The following IGSF11 variants were observed in gnomAD, a reference collection of about 807,000 sequenced individuals.
IGSF11 encodes CXADR like 1.
A neutral mutation model predicts 41.0 loss-of-function variants in IGSF11; 22 were observed. The ratio of observed to expected loss-of-function variants is 0.54; its 90% CI spans 0.38 to 0.77. IGSF11 has a LOEUF of 0.77. Ranked by LOEUF, IGSF11 falls within the 30% of genes least tolerant of loss-of-function variation. The probability of loss-of-function intolerance (pLI) is 0.00; values close to 1 mark genes in which losing one functional copy is unlikely to be tolerated. For missense variants in IGSF11, 444 were observed against 530.8 expected (o/e 0.84, Z 1.61); for synonymous variants, 219 against 201.3 (o/e 1.09, Z -0.74).
rs553278031 is a variant in IGSF11 at position 118,920,257 on chromosome 3, TA to T, written c.580+5843del. Among the ~76,000 whole-genome samples, 377 of 137,312 alleles carry T rather than the reference TA, an allele frequency of 2.7e-3. 6 individuals carry two copies. Among genetic ancestry groups the T allele is most frequent in the African/African-American group, 9.1e-3 (330 of 36,198 alleles). 90.1% of individuals were successfully genotyped at this position (137,312 alleles called of 152,430 possible). On this transcript the variant is annotated intron_variant, in intron 4 of 6. Coordinates refer to ENST00000393775, the MANE Select transcript of IGSF11 (RefSeq NM_001015887.3). ...CACATGTACCCTAAAACTTAAAGTA[TA>T]AAAAAAAAAACAATAATGTGTCAGA...
intron 1 of IGSF11, among the ~76,000 whole-genome samples, chr3:118,952,802 A>G (rs1175278353): frequency 6.6e-6 from 1 of 152,202 alleles, no homozygotes; most frequent in Admixed American, 6.5e-5. Flanking sequence ...TTATATTAAT[A>G]AAGTTTTGAA....
intron 1 of IGSF11, among the ~76,000 whole-genome samples, chr3:118,990,293 A>G (rs2107650856): frequency 6.6e-6 from 1 of 152,380 alleles, no homozygotes; most frequent in Non-Finnish European, 1.5e-5. Context: ...GAAATAACCT[A>G]GATGTGAAGT....
chr3:119,008,658 C>G (rs1937706182), intron 1 of IGSF11, among the ~76,000 whole-genome samples: 2 of 152,208 alleles, frequency 1.3e-5, no homozygotes, highest in Admixed American at 6.5e-5. Context: ...GGTATAATCT[C>G]TTCTACAAAG....
At chr3:118,925,526 A>T (rs1489395525) in intron 4 of IGSF11, among the ~76,000 whole-genome samples, 3 of 152,092 alleles carry the variant, frequency 2.0e-5, no homozygotes, top group South Asian at 2.1e-4. Flanking sequence ...TTTTTTAAGG[A>T]TGTCCTATTT....
At chr3:119,045,652 G>C (rs905837252) in intron 1 of IGSF11, among the ~76,000 whole-genome samples, 1 of 152,042 alleles carries the variant, frequency 6.6e-6, no homozygotes, top group Non-Finnish European at 1.5e-5. Flanking sequence ...ACAGCTCAAG[G>C]AGGCCTGCCT....
intron 1 of IGSF11, among the ~76,000 whole-genome samples, chr3:119,043,437 A>T (rs2107750016): frequency 6.6e-6 from 1 of 152,164 alleles, no homozygotes. Context: ...ATGCTTAGGG[A>T]TTCTTAGTTG....
intron 1 of IGSF11, chr3:118,943,204 A>C (rs919003990): frequency 2.6e-5 from 4 of 152,226 alleles, no homozygotes; most frequent in African/African-American, 7.2e-5. Flanking sequence ...AGACTGCAGC[A>C]TATAGAGGGG....
chr3:119,060,236 T>G (rs1210546750), intron 1 of IGSF11, among the ~76,000 whole-genome samples: 1 of 152,218 alleles, frequency 6.6e-6, no homozygotes, highest in African/African-American at 2.4e-5. Flanking sequence ...GTGAAATTCT[T>G]GTCTTTCCAG....
intron 1 of IGSF11, among the ~76,000 whole-genome samples, chr3:118,952,229 A>G (rs9855713): frequency 0.078 from 11,912 of 152,166 alleles, 662 homozygotes; most frequent in Admixed American, 0.16. Context: ...TCTTGCCTCA[A>G]TGTTGATGGC....
intron 1 of IGSF11, among the ~76,000 whole-genome samples, chr3:119,111,817 C>A (rs1274358211): frequency 1.3e-5 from 2 of 152,342 alleles, no homozygotes; most frequent in East Asian, 1.9e-4. Flanking sequence ...ACAGACAGGA[C>A]CCTCAACTGC....
At chr3:118,950,685 A>T (rs1408391735) in intron 1 of IGSF11, among the ~76,000 whole-genome samples, 10 of 152,212 alleles carry the variant, frequency 6.6e-5, no homozygotes, top group Non-Finnish European at 1.5e-4. Context: ...ATTTATATCA[A>T]GTTAATAATA....
intron 1 of IGSF11, among the ~76,000 whole-genome samples, chr3:119,053,377 C>A (rs767257758): frequency 6.6e-6 from 1 of 152,090 alleles, no homozygotes; most frequent in African/African-American, 2.4e-5. Flanking sequence ...AGCGACCAAG[C>A]TGAGAATCAA....
chr3:119,068,927 C>CTTTTTTTTTTTTTT (rs574659492), intron 1 of IGSF11, among the ~76,000 whole-genome samples: 26 of 81,012 alleles, frequency 3.2e-4, no homozygotes, highest in East Asian at 7.4e-4. Context: ...TTTTTTTTTT[C>CTTTTTTTTTTTTTT]TTTTTTTTTT....
chr3:119,039,383 G>T (rs1458544952), upstream of IGSF11, among the ~76,000 whole-genome samples: 1 of 152,134 alleles, frequency 6.6e-6, no homozygotes, highest in Non-Finnish European at 1.5e-5. Context: ...TTCAAATCCA[G>T]CAACATCTGG....
chr3:118,999,580 T>C (rs1010649971), intron 1 of IGSF11, among the ~76,000 whole-genome samples: 3 of 152,188 alleles, frequency 2.0e-5, no homozygotes, highest in Non-Finnish European at 4.4e-5. Context: ...TCTTGACATA[T>C]CCTTGTAAGT....
In IGSF11 at chr3:118,928,582, G is replaced by A. The variant is rs753036011; in HGVS notation, c.351C>T (p.Thr117=). 2.5e-6 allele frequency: 4 copies of A among 1,613,560 alleles called. No homozygotes were observed. In the East Asian group the frequency reaches 8.9e-5, roughly 36 times the overall value. Residue 117 remains threonine, a synonymous_variant, in exon 3 of 7, where the codon ACC becomes ACT. Coordinates refer to ENST00000393775, the MANE Select transcript of IGSF11 (RefSeq NM_001015887.3). The stretch of plus-strand genomic sequence containing the variant: ...GAAGGTTGTTGACCAGGCACTGGTA[G>A]GTGCCAGTGTCTGATAACTGAGTGT... ...INNTQLSDTG[T]YQCLVNNLPD...
intron 1 of IGSF11, among the ~76,000 whole-genome samples, chr3:119,078,415 C>T (rs746782624): frequency 9.9e-5 from 15 of 152,182 alleles, no homozygotes; most frequent in Non-Finnish European, 1.8e-4. Flanking sequence ...AATAAAGCCA[C>T]ATACCTACAA....
intron 1 of IGSF11, among the ~76,000 whole-genome samples, chr3:118,951,296 A>C (rs1944553226): frequency 6.6e-6 from 1 of 152,184 alleles, no homozygotes; most frequent in African/African-American, 2.4e-5. Flanking sequence ...TGATTCATAG[A>C]CCAAAGCTGG....
chr3:119,123,052 C>T (rs2077354562), intron 1 of IGSF11, among the ~76,000 whole-genome samples: 2 of 152,192 alleles, frequency 1.3e-5, no homozygotes, highest in African/African-American at 4.8e-5. Context: ...CTTAAGAATC[C>T]TGATTCCAGG....
Sources: gnomAD v4.1 joint callset for allele counts (sites outside exome capture counted in the v4.1 genomes callset) on GRCh38, gnomAD v4.1.1 for gene constraint, MANE v1.5 for transcripts, NCBI Gene and HGNC (gene_info 2026-07-23, HGNC 2026-07-21) for gene names.